PCIF1: variants seen among roughly 807,000 people sequenced by gnomAD.
PCIF1 encodes mRNA (2'-O-methyladenosine-N(6)-)-methyltransferase.
PCIF1 carries 12 observed loss-of-function variants against 86.9 expected under a neutral mutation model. The ratio of observed to expected loss-of-function variants is 0.14; its 90% CI spans 0.09 to 0.22. The LOEUF is 0.22. Ranked by LOEUF, PCIF1 falls within the 10% of genes least tolerant of loss-of-function variation. The pLI is 1.00. For missense variants in PCIF1, 701 were observed against 951.1 expected, an observed-to-expected ratio of 0.74 and a Z score of 3.46; for synonymous variants, 397 against 372.0, an observed-to-expected ratio of 1.07 and a Z score of -0.77.
Position 45,947,771 on chromosome 20 carries a change from G to C in PCIF1, c.*16G>C. On this transcript the variant is annotated 3_prime_UTR_variant, in exon 17 of 17. Transcript: ENST00000372409. This position sits in a 1 kb window ranked among gnomAD's most constrained non-coding sequence, Gnocchi z 5.4. Reference sequence around the variant, plus strand: ...CCCCACTTAACATATCCTGCGGGGAGGAGGAGCCCCAGGGGTGCTAGTCTG... The same window carrying C: ...CCCCACTTAACATATCCTGCGGGGACGAGGAGCCCCAGGGGTGCTAGTCTG... 1 of 1,590,328 alleles carries C rather than the reference G, an allele frequency of 6.3e-7. No individual in the cohort carries two copies. Among genetic ancestry groups the C allele is most frequent in the East Asian group, 2.2e-5 (1 of 44,656 alleles).
chr20:45,939,603 A>G lies in PCIF1; in HGVS notation c.249+264A>G, dbSNP rs566963093. ...AATGAACAAGGCAGACTTGCTCCCT[A>G]CGGTCGCAGAGCACCCATGGGCTGC... On this transcript the variant is annotated intron_variant, in intron 4 of 16. Transcript: ENST00000372409. Among the ~76,000 whole-genome samples the G allele has an allele frequency of 3.3e-5, 5 of 152,312 alleles. No individual in the cohort carries two copies. In the South Asian group the frequency reaches 8.3e-4, roughly 25 times the overall value.
chr20:45,941,099 C>T lies in PCIF1; in HGVS notation c.565C>T (p.Arg189Trp), dbSNP rs370069756. 2.2e-5 allele frequency: 36 copies of T among 1,614,072 alleles called. No homozygotes were observed. The highest frequency in any genetic ancestry group is 1.6e-4 in the Middle Eastern group (1 of 6,084). The change falls in exon 7 of 17, where the codon CGG (arginine) becomes TGG (tryptophan). Residue 189 changes from arginine to tryptophan, a missense_variant. Arg to Trp is a moderately radical substitution (Grantham distance 101). Around this residue, in one of 7 missense-constraint regions of PCIF1, gnomAD observed 125 missense variants for 126.8 expected, o/e 0.99. Transcript: ENST00000372409. ...CCAGACCAATGCTGTCATCAAGCAC[C>T]GGGGGCCTTCAGAGGTGCTGCCCCC... ...DIQTNAVIKHRGPSEVLPPHP... is the reference protein window; with the variant it reads ...DIQTNAVIKHWGPSEVLPPHP...
At position 45,944,926 on chromosome 20, in the gene PCIF1, A is replaced by T. The variant is rs777505126; in HGVS notation, c.1064A>T (p.Asp355Val). 3 of 1,613,944 alleles carry T rather than the reference A, an allele frequency of 1.9e-6. No homozygotes were observed. Among genetic ancestry groups the T allele is most frequent in the Non-Finnish European group, 2.5e-6 (3 of 1,179,962 alleles). The stretch of plus-strand genomic sequence containing the variant: ...CCCCACGTCTCGGCCGCAGCCAAGG[A>T]CTCCGTGGAAGGCATCTGCAGTAAG... Reference protein sequence around the residue: ...CGPHVSAAAKDSVEGICSKIY... With the variant: ...CGPHVSAAAKVSVEGICSKIY... The change falls in exon 11 of 17, where the codon GAC becomes GTC. Residue 355 changes from aspartate to valine, a missense_variant. By Grantham distance (152) the Asp-to-Val change is radical. Around this residue, in one of 7 missense-constraint regions of PCIF1, gnomAD observed 129 missense variants for 245.9 expected, o/e 0.52. Transcript: ENST00000372409.
chr20:45,947,301 C>G lies in PCIF1; in HGVS notation c.1746C>G (p.Ile582Met). 6.2e-7 allele frequency: 1 copy of G among 1,614,012 alleles called. No homozygotes were observed. The highest frequency in any genetic ancestry group is 1.1e-5 in the South Asian group (1 of 91,080). The part of the protein sequence containing the change: ...LESSPEPLSF[I>M]VFIPEWREPP... ...GCTCACCGGAGCCCCTGTCCTTCAT[C>G]GTGTTCATCCCTGAGTGGCGGGAAC... Residue 582 changes from isoleucine (I) to methionine (M), a missense_variant, in exon 16 of 17, where the codon ATC (isoleucine) becomes ATG (methionine). Coordinates refer to ENST00000372409, the MANE Select transcript of PCIF1 (RefSeq NM_022104.4). This position sits in a 1 kb window ranked among gnomAD's most constrained non-coding sequence, Gnocchi z 5.4.
chr20:45,941,952 C>G (rs887617405), intron 7 of PCIF1, among the ~76,000 whole-genome samples: 1 of 150,626 alleles, frequency 6.6e-6, no homozygotes. Flanking sequence ...AATCCTCTGG[C>G]CTTTCACCTT....
At position 45,937,502 on chromosome 20, in the gene PCIF1, T is replaced by A; in HGVS notation, c.-103T>A. On this transcript the variant is annotated 5_prime_UTR_variant, in exon 2 of 17. Coordinates refer to ENST00000372409, the MANE Select transcript of PCIF1 (RefSeq NM_022104.4). ...CCTGTGCTGAGTCTTCCTGCAGGCC[T>A]TTCCTTGCCTCTGTGGGACCCTGTG... The A allele has an allele frequency of 2.5e-6, 1 of 399,128 alleles. No individual in the cohort carries two copies. The highest frequency in any genetic ancestry group is 4.4e-6 in the Non-Finnish European group (1 of 226,108). 24.7% of individuals were successfully genotyped at this position (399,128 alleles called of 1,614,324 possible).
chr20:45,944,735 GAC>G, intron 10 of PCIF1, 131 bp from the exon 11 acceptor site: 2 of 937,452 alleles, frequency 2.1e-6, no homozygotes, highest in Non-Finnish European at 3.1e-6. Flanking sequence ...TTGTCCAAGT[GAC>G]ACAGCTAGTC....
intron 10 of PCIF1, 83 bp from the exon 11 acceptor site, chr20:45,944,785 T>TC (rs2083505714): frequency 1.4e-6 from 2 of 1,471,050 alleles, no homozygotes; most frequent in African/African-American, 1.4e-5. Context: ...ACTGCTGGAC[T>TC]CCAACAGCCC....
intron 1 of PCIF1, among the ~76,000 whole-genome samples, 154 bp downstream of exon 1, chr20:45,934,958 G>A (rs1014265814): frequency 3.9e-5 from 6 of 152,202 alleles, no homozygotes; most frequent in African/African-American, 7.2e-5. Flanking sequence ...GCGGGTGGGC[G>A]GCCGCGCCGG....
At chr20:45,945,412 G>A (rs1356942125) in intron 11 of PCIF1, among the ~76,000 whole-genome samples, 1 of 152,168 alleles carries the variant, frequency 6.6e-6, no homozygotes, top group African/African-American at 2.4e-5. Flanking sequence ...TGCAGTTCTC[G>A]TTCTTCTGCC....
Position 45,941,751 on chromosome 20 carries a change from C to G in PCIF1, c.673+544C>G, listed in dbSNP as rs556339360. Reference sequence around the variant, plus strand: ...GGGATTACAGGCATGAGCCACCACACCTGGCTAATTTTTTTTTAAGAGACA... The same window carrying G: ...GGGATTACAGGCATGAGCCACCACAGCTGGCTAATTTTTTTTTAAGAGACA... On this transcript the variant is annotated intron_variant, in intron 7 of 16. Coordinates refer to ENST00000372409, the MANE Select transcript of PCIF1 (RefSeq NM_022104.4). 2.6e-3 allele frequency among the ~76,000 whole-genome samples: 394 copies of G among 152,160 alleles called. 1 individual carries two copies. The highest frequency in any genetic ancestry group is 8.2e-3 in the African/African-American group (339 of 41,510).
chr20:45,945,676 G>C, intron 11 of PCIF1, 35 bp from the exon 12 acceptor site: 1 of 1,601,914 alleles, frequency 6.2e-7, no homozygotes, highest in Non-Finnish European at 8.5e-7. Context: ...GTGAGAATGA[G>C]GAGTGTGGTC....
At chr20:45,936,389 CTG>C (rs1194294001) in intron 1 of PCIF1, among the ~76,000 whole-genome samples, 1 of 140,362 alleles carries the variant, frequency 7.1e-6, no homozygotes, top group Non-Finnish European at 1.5e-5. Context: ...CGGGGTTTCA[CTG>C]TGTTAGCTAG....
Position 45,947,073 on chromosome 20 carries a change from G to T in PCIF1, c.1614G>T (p.Gly538=), listed in dbSNP as rs1249785767. ...PDTDGYFGSR[G]PCLDFAPLSG... ...TTAGAATGCTCACTCCTGTCCCCAGGCCCTGCCTAGACTTTGCTCCACTGA... is the reference window on the plus strand; with the variant it reads ...TTAGAATGCTCACTCCTGTCCCCAGTCCCTGCCTAGACTTTGCTCCACTGA... The change falls in exon 15 of 17, where the codon GGG becomes GGT. Residue 538 remains glycine, a splice_region_variant and synonymous_variant. Coordinates refer to ENST00000372409, the MANE Select transcript of PCIF1 (RefSeq NM_022104.4). This position sits in a 1 kb window ranked among gnomAD's most constrained non-coding sequence, Gnocchi z 5.4. 2 of 1,608,312 alleles carry T rather than the reference G, an allele frequency of 1.2e-6. No individual in the cohort carries two copies. Among genetic ancestry groups the T allele is most frequent in the African/African-American group, 2.7e-5 (2 of 74,836 alleles).
chr20:45,947,106 A>C lies in PCIF1; in HGVS notation c.1647A>C (p.Ser549=). ...PCLDFAPLSG[S]FEANPPFCEE... is the part of the protein sequence containing the mutation. ...TAGACTTTGCTCCACTGAGTGGTTCATTTGAGGCCAACCCTCCCTTCTGCG... is the reference window on the plus strand; with the variant it reads ...TAGACTTTGCTCCACTGAGTGGTTCCTTTGAGGCCAACCCTCCCTTCTGCG... The change falls in exon 15 of 17, where the codon TCA becomes TCC. Residue 549 remains serine (S), a synonymous_variant. Coordinates refer to ENST00000372409, the MANE Select transcript of PCIF1 (RefSeq NM_022104.4). This position sits in a 1 kb window ranked among gnomAD's most constrained non-coding sequence, Gnocchi z 5.4. 1.2e-6 allele frequency: 2 copies of C among 1,613,542 alleles called. No individual in the cohort carries two copies. Among genetic ancestry groups the C allele is most frequent in the Non-Finnish European group, 1.7e-6 (2 of 1,179,568 alleles).
chr20:45,942,510 T>C (rs1389572136), intron 7 of PCIF1, among the ~76,000 whole-genome samples: 3 of 151,772 alleles, frequency 2.0e-5, no homozygotes, highest in African/African-American at 4.8e-5. Context: ...AGATGGGTTT[T>C]TTCCATGTTG....
chr20:45,947,519 C>T lies in PCIF1; in HGVS notation c.1884-5C>T, dbSNP rs762924268. 9.9e-6 allele frequency: 16 copies of T among 1,613,622 alleles called. No homozygotes were observed. The highest frequency in any genetic ancestry group is 6.7e-5 in the East Asian group (3 of 44,886). ...CCCACCCTGAGCCATTGCCTTTGCC[C>T]GCAGGGAGGAAATGCACTACAAGGC... is the stretch of plus-strand genomic sequence containing the variant. On this transcript the variant is annotated splice_polypyrimidine_tract_variant and splice_region_variant and intron_variant, in intron 16 of 16. Coordinates refer to ENST00000372409, the MANE Select transcript of PCIF1 (RefSeq NM_022104.4). This position sits in a 1 kb window ranked among gnomAD's most constrained non-coding sequence, Gnocchi z 5.4.
At position 45,941,150 on chromosome 20, in the gene PCIF1, T is replaced by G. The variant is rs1176324013; in HGVS notation, c.616T>G (p.Ser206Ala). 4 of 1,614,064 alleles carry G rather than the reference T, an allele frequency of 2.5e-6. No individual in the cohort carries two copies. The highest frequency in any genetic ancestry group is 3.4e-6 in the Non-Finnish European group (4 of 1,180,032). ...GCATCCCGAAGTGGAACTGCTCCGC[T>G]CTCAGCTCATCCTGAAGCTTCGGCA... Reference protein sequence around the residue: ...PPHPEVELLRSQLILKLRQHY... With the variant: ...PPHPEVELLRAQLILKLRQHY... The change falls in exon 7 of 17, where the codon TCT (serine) becomes GCT (alanine). Residue 206 changes from serine (S) to alanine (A), a missense_variant. Around this residue, in one of 7 missense-constraint regions of PCIF1, gnomAD observed 129 missense variants for 245.9 expected, o/e 0.52. Coordinates refer to ENST00000372409, the MANE Select transcript of PCIF1 (RefSeq NM_022104.4).
At chr20:45,934,845 C>A (rs964095898) in intron 1 of PCIF1, 41 bp downstream of exon 1, 2 of 398,070 alleles carry the variant, frequency 5.0e-6, no homozygotes, top group Non-Finnish European at 8.9e-6. Context: ...GCGAGCCGCG[C>A]CAGGGTCTGG....
Sources: gnomAD v4.1 joint callset for allele counts (sites outside exome capture counted in the v4.1 genomes callset) on GRCh38, gnomAD v4.1.1 for gene constraint, gnomAD v4.1.1 regional missense constraint, Gnocchi (gnomAD v3.1) non-coding constraint, MANE v1.5 for transcripts, NCBI Gene and HGNC (gene_info 2026-07-23, HGNC 2026-07-21) for gene names.